Variants in HSPA9 observed in about 807,000 individuals in gnomAD.
HSPA9 encodes the protein stress-70 protein, mitochondrial.
In HSPA9, 28 loss-of-function variants were observed where a neutral mutation model predicts 81.5. The ratio of observed to expected loss-of-function variants is 0.34; its 90% CI spans 0.25 to 0.47. The LOEUF is 0.47. Among genes scored for constraint, HSPA9 ranks in the 20% least tolerant of loss-of-function variants. HSPA9 has a pLI of 1.00. For missense variants in HSPA9, 678 were observed against 838.0 expected, an observed-to-expected ratio of 0.81 and a Z score of 2.36; for synonymous variants, 293 against 290.4, an observed-to-expected ratio of 1.01 and a Z score of -0.09.
At chr5:138,557,352 C>T (rs752986762) in intron 14 of HSPA9, 50 bp downstream of exon 14, 2 of 1,307,318 alleles carry the variant, frequency 1.5e-6, no homozygotes, top group South Asian at 1.2e-5. Flanking sequence ...CTCCCACTGT[C>T]AAGACTGAGC....
intron 3 of HSPA9, among the ~76,000 whole-genome samples, chr5:138,572,503 G>C (rs901235627): frequency 2.6e-5 from 4 of 152,166 alleles, no homozygotes; most frequent in Non-Finnish European, 5.9e-5. Flanking sequence ...CTGAAGTAAT[G>C]CATGTTGTTC....
intron 5 of HSPA9, among the ~76,000 whole-genome samples, chr5:138,568,226 G>C (rs1750807838): frequency 6.6e-6 from 1 of 152,002 alleles, no homozygotes; most frequent in African/African-American, 2.4e-5. Context: ...GCCAGGCACG[G>C]TGGCTCATGC....
At chr5:138,558,472 A>G in intron 12 of HSPA9, 81 bp downstream of exon 12, 1 of 950,392 alleles carries the variant, frequency 1.1e-6, no homozygotes, top group Non-Finnish European at 1.7e-6. Context: ...CCAGCAGTTT[A>G]TACTAATATT....
intron 4 of HSPA9, among the ~76,000 whole-genome samples, chr5:138,570,158 C>T (rs1436331418): frequency 6.6e-6 from 1 of 151,954 alleles, no homozygotes. Flanking sequence ...AGTCACCCCA[C>T]CGAGCCTCTA....
chr5:138,573,156 G>C (rs1316965601), intron 3 of HSPA9, among the ~76,000 whole-genome samples: 2 of 152,126 alleles, frequency 1.3e-5, no homozygotes, highest in Non-Finnish European at 2.9e-5. Flanking sequence ...GCCTCCCAAA[G>C]TGCTAGGATT....
chr5:138,575,029 G>A (rs761758096), intron 1 of HSPA9: 16 of 603,274 alleles, frequency 2.7e-5, no homozygotes, highest in South Asian at 2.0e-5. Flanking sequence ...GATCGCGAGG[G>A]GTGTGACTCA....
rs1480732511 is a variant in HSPA9 at position 138,555,824 on chromosome 5, G to A, written c.*213C>T. The A allele has an allele frequency of 5.1e-6, 3 of 592,030 alleles. No homozygotes were observed. Among genetic ancestry groups the A allele is most frequent in the African/African-American group, 3.7e-5 (2 of 53,490 alleles). 36.7% of individuals were successfully genotyped at this position (592,030 alleles called of 1,614,324 possible). A position where few individuals can be genotyped will look rare whatever the true frequency, so the allele number is the denominator to read the frequency against. On this transcript the variant is annotated 3_prime_UTR_variant, in exon 17 of 17. Transcript: ENST00000297185. The stretch of plus-strand genomic sequence containing the variant: ...TGCAGCTGAAAAATGACAGGCTAGG[G>A]ACATAGAATATTGTGAACTTTATAC...
intron 9 of HSPA9, among the ~76,000 whole-genome samples, chr5:138,562,534 A>G (rs559653902): frequency 9.5e-4 from 145 of 152,168 alleles, no homozygotes; most frequent in African/African-American, 2.8e-3. Flanking sequence ...CTGGGCAACA[A>G]GAGTGAAACT....
Position 138,554,437 on chromosome 5 carries a change from T to C in HSPA9, c.*1600A>G, listed in dbSNP as rs1223447326. Among the ~76,000 whole-genome samples the C allele has an allele frequency of 6.6e-6, 1 of 152,214 alleles. No homozygotes were observed. Among genetic ancestry groups the C allele is most frequent in the Non-Finnish European group, 1.5e-5 (1 of 68,038 alleles). Reference sequence around the variant, plus strand: ...ATAACAATCCTTCATAATCCTACAATGTTCCCATTGAGTGTTCATGTGGTT... The same window carrying C: ...ATAACAATCCTTCATAATCCTACAACGTTCCCATTGAGTGTTCATGTGGTT... On this transcript the variant is annotated 3_prime_UTR_variant, in exon 17 of 17. Transcript: ENST00000297185.
intron 11 of HSPA9, 109 bp downstream of exon 11, chr5:138,559,755 A>G (rs1440616897): frequency 1.3e-6 from 1 of 772,852 alleles, no homozygotes; most frequent in Admixed American, 2.0e-5. Context: ...CTAAACTGTA[A>G]AACAGATAAA....
chr5:138,566,914 T>A (rs1750778639), intron 8 of HSPA9, 87 bp downstream of exon 8: 3 of 1,399,870 alleles, frequency 2.1e-6, no homozygotes, highest in South Asian at 2.3e-5. Context: ...GGGGTTGAAC[T>A]GAACTCGTAA....
intron 3 of HSPA9, among the ~76,000 whole-genome samples, chr5:138,571,603 G>C (rs1463911083): frequency 1.3e-5 from 2 of 151,840 alleles, no homozygotes; most frequent in Non-Finnish European, 2.9e-5. Flanking sequence ...ATGAACAGTA[G>C]ATATTTAGTT....
At chr5:138,556,393 C>T (rs746966101) in intron 16 of HSPA9, 59 bp downstream of exon 16, 205 of 1,584,846 alleles carry the variant, frequency 1.3e-4, no homozygotes, top group Non-Finnish European at 1.7e-4. Context: ...CAGTGACAGT[C>T]ATCAAGAACA....
intron 3 of HSPA9, among the ~76,000 whole-genome samples, chr5:138,573,427 A>G (rs950181290): frequency 6.6e-6 from 1 of 152,002 alleles, no homozygotes; most frequent in East Asian, 1.9e-4. Context: ...TTGGAGGCCA[A>G]CGTGGGCGGA....
rs41296457 is a variant in HSPA9 at position 138,555,417 on chromosome 5, A to C, written c.*620T>G. 1 of 152,870 alleles carries C rather than the reference A, an allele frequency of 6.5e-6. No homozygotes were observed. The highest frequency in any genetic ancestry group is 1.5e-5 in the Non-Finnish European group (1 of 68,562). 9.5% of individuals were successfully genotyped at this position (152,870 alleles called of 1,614,324 possible). ...CAATCATCAAGGATGTAGGTGCCAG[A>C]CACAGGGCAGAAGGTAGCTAGAAAA... On this transcript the variant is annotated 3_prime_UTR_variant, in exon 17 of 17. Coordinates refer to ENST00000297185, the MANE Select transcript of HSPA9 (RefSeq NM_004134.7).
At position 138,557,977 on chromosome 5, in the gene HSPA9, G is replaced by A. The variant is rs201894482; in HGVS notation, c.1525C>T (p.Pro509Ser). 55 of 1,602,674 alleles carry A rather than the reference G, an allele frequency of 3.4e-5. No homozygotes were observed. The highest frequency in any genetic ancestry group is 1.9e-4 in the Middle Eastern group (1 of 5,266). ...TGAGGAACTCCACGAGGGGCTGGTG[G>A]AATTCCAATCTAAAATAAATAATAT... Reference protein sequence around the residue: ...LLGQFTLIGIPPAPRGVPQIE... With the variant: ...LLGQFTLIGISPAPRGVPQIE... The change falls in exon 13 of 17, where the codon CCA becomes TCA. Residue 509 changes from proline to serine, a missense_variant. Transcript: ENST00000297185.
chr5:138,566,871 T>C, intron 8 of HSPA9, 130 bp downstream of exon 8: 1 of 1,182,316 alleles, frequency 8.5e-7, no homozygotes, highest in Non-Finnish European at 1.3e-6. Flanking sequence ...GGAAAAAAAA[T>C]ATTCTGAAAA....
intron 16 of HSPA9, 124 bp downstream of exon 16, chr5:138,556,328 A>G: frequency 7.9e-7 from 1 of 1,259,724 alleles, no homozygotes; most frequent in Non-Finnish European, 1.1e-6. Flanking sequence ...GCAGGAGACT[A>G]TCTCCCAACT....
At chr5:138,556,899 TC>T (rs765782307) in intron 14 of HSPA9, 33 bp from the exon 15 acceptor site, 1 of 1,490,812 alleles carries the variant, frequency 6.7e-7, no homozygotes, top group South Asian at 1.1e-5. Context: ...ACGAAGACTT[TC>T]CAATCAACCA....
Sources: allele counts gnomAD v4.1 joint callset (sites outside exome capture counted in the v4.1 genomes callset), GRCh38; gene constraint gnomAD v4.1.1; transcripts MANE v1.5; gene names NCBI Gene and HGNC (gene_info 2026-07-23, HGNC 2026-07-21).